Variants in SYT1 observed in about 807,000 individuals in gnomAD.
SYT1 encodes the protein synaptotagmin 1, also known as synaptotagmin-1.
In SYT1, 8 loss-of-function variants were observed where a neutral mutation model predicts 44.8. The ratio of observed to expected loss-of-function variants is 0.18; its 90% CI spans 0.10 to 0.32. The LOEUF is 0.32. SYT1 is among the 10% of genes least tolerant of loss of function. The pLI, the probability that SYT1 is intolerant of heterozygous loss-of-function variation, is 1.00. For missense variants in SYT1, 286 were observed against 509.3 expected, an observed-to-expected ratio of 0.56 and a Z score of 4.22; for synonymous variants, 154 against 188.8, an observed-to-expected ratio of 0.82 and a Z score of 1.51.
chr12:79,045,300 C>G (rs1002035053), intron 2 of SYT1, among the ~76,000 whole-genome samples: 5 of 152,226 alleles, frequency 3.3e-5, no homozygotes, highest in African/African-American at 1.2e-4. Flanking sequence ...CCCGCCGAGC[C>G]AGGTGCGGGA....
chr12:78,986,812 T>C (rs1349136674), intron 2 of SYT1, among the ~76,000 whole-genome samples: 2 of 152,048 alleles, frequency 1.3e-5, no homozygotes. Context: ...TTGTTCTCCA[T>C]ATACATGAAG....
intron 8 of SYT1, among the ~76,000 whole-genome samples, chr12:79,313,884 G>A (rs980564750): frequency 6.6e-6 from 1 of 151,790 alleles, no homozygotes; most frequent in Admixed American, 6.6e-5. Flanking sequence ...AAAAATATTA[G>A]CGGGGCCGGG....
At chr12:79,062,218 G>A (rs1875443273) in intron 3 of SYT1, among the ~76,000 whole-genome samples, 1 of 152,146 alleles carries the variant, frequency 6.6e-6, no homozygotes, top group African/African-American at 2.4e-5. Context: ...TTGCAGTGAG[G>A]AAATTTCACA....
chr12:79,006,154 A>G (rs914680846), intron 2 of SYT1, among the ~76,000 whole-genome samples: 1 of 152,116 alleles, frequency 6.6e-6, no homozygotes, highest in Admixed American at 6.6e-5. Flanking sequence ...TACAATTTCT[A>G]TTTTAGCTTA....
intron 8 of SYT1, among the ~76,000 whole-genome samples, chr12:79,323,678 A>G (rs1400069210): frequency 6.6e-6 from 1 of 152,126 alleles, no homozygotes. Context: ...TTACATATTA[A>G]AATAGGCTCA....
At chr12:79,177,152 T>G (rs1389822780) in intron 3 of SYT1, among the ~76,000 whole-genome samples, 1 of 114,734 alleles carries the variant, frequency 8.7e-6, no homozygotes, top group Admixed American at 9.2e-5. Context: ...CCCACTAACG[T>G]GTCATCTAGC....
rs2137037207 is a variant in SYT1, at chr12:78,872,439, A to G, written c.-217+7330A>G. 1.3e-5 allele frequency among the ~76,000 whole-genome samples: 2 copies of G among 151,842 alleles called. 1 individual carries two copies. Among genetic ancestry groups the G allele is most frequent in the Middle Eastern group, 6.8e-3 (2 of 294 alleles). ...CATAGCAACAGTTTTATTTCTCTTG[A>G]TTTCTGGACTTTTAGACCTGTATGC... On this transcript the variant is annotated intron_variant, in intron 1 of 10. Transcript: ENST00000261205.
At chr12:79,368,458 C>A (rs1239483729) in intron 9 of SYT1, among the ~76,000 whole-genome samples, 3 of 151,270 alleles carry the variant, frequency 2.0e-5, no homozygotes, top group African/African-American at 2.4e-5. Context: ...TTCTAGATCC[C>A]TGAGGAATTG....
At chr12:79,316,261 T>C (rs1302903070) in intron 8 of SYT1, among the ~76,000 whole-genome samples, 1 of 152,226 alleles carries the variant, frequency 6.6e-6, no homozygotes, top group Admixed American at 6.5e-5. Flanking sequence ...TACCATGGAA[T>C]CATGTTATTT....
chr12:78,983,259 T>C (rs925199363), intron 2 of SYT1, among the ~76,000 whole-genome samples: 2 of 152,078 alleles, frequency 1.3e-5, no homozygotes, highest in Non-Finnish European at 2.9e-5. Context: ...TTAGATAAGA[T>C]GAATTGCCGG....
intron 4 of SYT1, among the ~76,000 whole-genome samples, chr12:79,251,982 T>TGATA (rs10527014): frequency 0.042 from 6,285 of 149,888 alleles, 259 homozygotes; most frequent in African/African-American, 0.11. Flanking sequence ...GATAGATGAT[T>TGATA]GATAGATAGA....
intron 3 of SYT1, among the ~76,000 whole-genome samples, chr12:79,107,450 G>A (rs1003205774): frequency 2.0e-5 from 3 of 151,720 alleles, no homozygotes; most frequent in Non-Finnish European, 4.4e-5. Context: ...ATACCAACAA[G>A]GTATTTCCAA....
chr12:78,967,905 C>T (rs1022575696), intron 1 of SYT1, among the ~76,000 whole-genome samples: 3 of 151,928 alleles, frequency 2.0e-5, no homozygotes, highest in African/African-American at 7.2e-5. Context: ...TGACACGGAA[C>T]CAAAATTTTG....
chr12:79,116,123 T>C (rs540335468), intron 3 of SYT1, among the ~76,000 whole-genome samples: 4 of 152,210 alleles, frequency 2.6e-5, no homozygotes, highest in Non-Finnish European at 5.9e-5. Flanking sequence ...ATGGGAATCA[T>C]GATGGTTGCC....
chr12:79,166,507 G>GA (rs946640575), intron 3 of SYT1, among the ~76,000 whole-genome samples: 7 of 151,764 alleles, frequency 4.6e-5, no homozygotes, highest in African/African-American at 1.7e-4. Flanking sequence ...ATTTTAGGGA[G>GA]AAAAAATGAG....
chr12:79,305,862 A>G (rs1192462543), intron 8 of SYT1, among the ~76,000 whole-genome samples: 2 of 151,972 alleles, frequency 1.3e-5, no homozygotes, highest in Non-Finnish European at 2.9e-5. Context: ...ATGCCCAGCT[A>G]TTTTTTGTAT....
At chr12:79,307,471 G>C (rs1880452195) in intron 8 of SYT1, among the ~76,000 whole-genome samples, 1 of 152,140 alleles carries the variant, frequency 6.6e-6, no homozygotes, top group Non-Finnish European at 1.5e-5. Context: ...GAATAAGATA[G>C]ACCCCCACGT....
At chr12:79,342,956 C>G (rs1882444085) in intron 8 of SYT1, among the ~76,000 whole-genome samples, 1 of 152,106 alleles carries the variant, frequency 6.6e-6, no homozygotes, top group Non-Finnish European at 1.5e-5. Flanking sequence ...CATATTATAA[C>G]TAAAACCATA....
chr12:79,166,312 C>G (rs1177958788), intron 3 of SYT1, among the ~76,000 whole-genome samples: 1 of 151,932 alleles, frequency 6.6e-6, no homozygotes, highest in Admixed American at 6.6e-5. Context: ...ATGGTAAACT[C>G]TATCATAATT....
Sources: gnomAD v4.1 joint callset for allele counts (sites outside exome capture counted in the v4.1 genomes callset) on GRCh38, gnomAD v4.1.1 for gene constraint, MANE v1.5 for transcripts, NCBI Gene and HGNC (gene_info 2026-07-23, HGNC 2026-07-21) for gene names.